The following PTK2B variants were observed in gnomAD, a reference collection of about 807,000 sequenced individuals.
PTK2B encodes protein tyrosine kinase 2 beta.
In PTK2B, 71 loss-of-function variants were observed where a neutral mutation model predicts 142.9. That is an observed-to-expected ratio of 0.50 (90% CI 0.41 to 0.61). The LOEUF is 0.61. Ranked by LOEUF, PTK2B falls within the 20% of genes least tolerant of loss-of-function variation. The pLI is 0.00. For synonymous variants in PTK2B, 519 were observed against 503.4 expected, an observed-to-expected ratio of 1.03 and a Z score of -0.42; for missense variants, 1,105 against 1,320.4, an observed-to-expected ratio of 0.84 and a Z score of 2.53.
At chr8:27,436,714 C>T (rs1039777339) in intron 15 of PTK2B, among the ~76,000 whole-genome samples, 7 of 151,820 alleles carry the variant, frequency 4.6e-5, no homozygotes, top group Non-Finnish European at 1.0e-4. Context: ...TAAGGCTGAC[C>T]GCTGTGGTAA....
At chr8:27,357,915 A>G (rs1260348346) in intron 1 of PTK2B, among the ~76,000 whole-genome samples, 8 of 152,182 alleles carry the variant, frequency 5.3e-5, no homozygotes, top group African/African-American at 1.2e-4. Flanking sequence ...TTTAGACTCT[A>G]TAGCTCCCCA....
intron 18 of PTK2B, 82 bp downstream of exon 18, chr8:27,437,962 G>C: frequency 1.2e-5 from 15 of 1,230,472 alleles, no homozygotes; most frequent in Non-Finnish European, 1.7e-5. Flanking sequence ...AGCAGGGCTT[G>C]TGGGTGACAC....
chr8:27,323,151 G>A (rs992453365), upstream of PTK2B: 2 of 152,260 alleles, frequency 1.3e-5, no homozygotes, highest in African/African-American at 4.8e-5. Flanking sequence ...AGAAAACGAG[G>A]AATAGGAAAA....
intron 1 of PTK2B, among the ~76,000 whole-genome samples, chr8:27,383,426 A>G (rs1807148904): frequency 6.6e-6 from 1 of 151,902 alleles, no homozygotes; most frequent in South Asian, 2.1e-4. Flanking sequence ...TTGTATTTTT[A>G]GTAGAGACGG....
At chr8:27,368,332 T>A (rs1464998518) in intron 1 of PTK2B, among the ~76,000 whole-genome samples, 2 of 152,272 alleles carry the variant, frequency 1.3e-5, no homozygotes, top group Admixed American at 1.3e-4. Context: ...CCCTGCTCCT[T>A]GGCCTGCTAA....
intron 4 of PTK2B, 114 bp from the exon 5 acceptor site, chr8:27,422,190 G>C (rs1267843599): frequency 6.2e-6 from 6 of 967,038 alleles, no homozygotes; most frequent in Non-Finnish European, 9.1e-6. Flanking sequence ...TTGTGGTGGG[G>C]TGGGTGGCTG....
Position 27,374,462 on chromosome 8 carries a change from G to A in PTK2B, c.-37-23086G>A, listed in dbSNP as rs560882835. Reference sequence around the variant, plus strand: ...ACAGGTGGGTCAGGAGGCAGAGAGAGTAAGAAAAAATGTAAGCAGGAGCAT... The same window carrying A: ...ACAGGTGGGTCAGGAGGCAGAGAGAATAAGAAAAAATGTAAGCAGGAGCAT... On this transcript the variant is annotated intron_variant, in intron 1 of 30. Coordinates refer to ENST00000346049, the MANE Select transcript of PTK2B (RefSeq NM_173176.3). 4.0e-3 allele frequency among the ~76,000 whole-genome samples: 614 copies of A among 152,360 alleles called. 4 individuals carry two copies. The highest frequency in any genetic ancestry group is 0.019 in the South Asian group (91 of 4,826).
chr8:27,346,347 C>A (rs1804709990), intron 1 of PTK2B, among the ~76,000 whole-genome samples: 2 of 152,074 alleles, frequency 1.3e-5, no homozygotes, highest in African/African-American at 4.8e-5. Flanking sequence ...CTAGCCTGGG[C>A]AACATGACGA....
intron 24 of PTK2B, 41 bp from the exon 25 acceptor site, chr8:27,450,708 G>A (rs1220608273): frequency 6.2e-7 from 1 of 1,611,920 alleles, no homozygotes; most frequent in Non-Finnish European, 8.5e-7. Context: ...CTGAGAGCAG[G>A]GCTCATTGCA....
chr8:27,407,764 A>G lies in PTK2B; in HGVS notation c.204+9976A>G, dbSNP rs982967652. Among the ~76,000 whole-genome samples, 33 of 151,436 alleles carry G rather than the reference A, an allele frequency of 2.2e-4. No homozygotes were observed. In the South Asian group the frequency reaches 2.7e-3, roughly 13 times the overall value. On this transcript the variant is annotated intron_variant, in intron 2 of 30. Transcript: ENST00000346049. ...AATTCTAGACTTCTTGGGTTAATCA[A>G]CTCCTCAGGTTGACTTGACCCTTGA...
chr8:27,451,364 C>G lies in PTK2B; in HGVS notation c.2524-121C>G, dbSNP rs76137318. 5.0e-3 allele frequency: 7,484 copies of G among 1,491,812 alleles called. 322 individuals are homozygous for G. The African/African-American group carries it at 0.09, about 18-fold the overall frequency. 92.4% of individuals were successfully genotyped at this position (1,491,812 alleles called of 1,614,324 possible). On this transcript the variant is annotated intron_variant, in intron 26 of 30. Coordinates refer to ENST00000346049, the MANE Select transcript of PTK2B (RefSeq NM_173176.3). Reference sequence around the variant, plus strand: ...CACGAGCTGCTCCCAGAAGCACCCCCGACCCCATGGCTGTAATCTCTAAAC... The same window carrying G: ...CACGAGCTGCTCCCAGAAGCACCCCGGACCCCATGGCTGTAATCTCTAAAC...
At chr8:27,357,328 A>G (rs1183058016) in intron 1 of PTK2B, among the ~76,000 whole-genome samples, 1 of 152,192 alleles carries the variant, frequency 6.6e-6, no homozygotes, top group Non-Finnish European at 1.5e-5. Flanking sequence ...TTTTCTCACC[A>G]CTTGTATGGT....
At chr8:27,316,911 A>G (rs565386240) in intron 3 of PTK2B, among the ~76,000 whole-genome samples, 1 of 152,342 alleles carries the variant, frequency 6.6e-6, no homozygotes, top group East Asian at 1.9e-4. Context: ...TAAGCTACAT[A>G]TAGATAAAAT....
At position 27,459,119 on chromosome 8, in the gene PTK2B, A is replaced by T. The variant is rs1433724998; in HGVS notation, c.*610A>T. ...AGCTAATTGGGAGTCCAGGCACAGGATGCTGTGTTGTCAACAAACCAAGCA... is the reference window on the plus strand; with the variant it reads ...AGCTAATTGGGAGTCCAGGCACAGGTTGCTGTGTTGTCAACAAACCAAGCA... On this transcript the variant is annotated 3_prime_UTR_variant, in exon 31 of 31. Transcript: ENST00000346049. 2.9e-5 allele frequency: 7 copies of T among 239,728 alleles called. No individual in the cohort carries two copies. Among genetic ancestry groups the T allele is most frequent in the Non-Finnish European group, 5.8e-5 (7 of 121,220 alleles). The allele number at this position is 239,728 out of a possible 1,614,324, so 14.9% of individuals were successfully genotyped here. A position where few individuals can be genotyped will look rare whatever the true frequency, so the allele number is the denominator to read the frequency against.
Position 27,436,343 on chromosome 8 carries a change from A to C in PTK2B, c.1336A>C (p.Asn446His), listed in dbSNP as rs764342481. Residue 446 changes from asparagine to histidine, a missense_variant, in exon 15 of 31, where the codon AAT becomes CAT. Coordinates refer to ENST00000346049, the MANE Select transcript of PTK2B (RefSeq NM_173176.3). ...FGEVYEGVYTNHKGEKINVAV... is the reference protein window; with the variant it reads ...FGEVYEGVYTHHKGEKINVAV... ...GGAGGTCTATGAAGGTGTCTACACAAATCACGTGAGTTCTAGGATCTTCCC... is the reference window on the plus strand; with the variant it reads ...GGAGGTCTATGAAGGTGTCTACACACATCACGTGAGTTCTAGGATCTTCCC... 3.7e-6 allele frequency: 6 copies of C among 1,610,934 alleles called. No homozygotes were observed. The highest frequency in any genetic ancestry group is 1.7e-4 in the Middle Eastern group (1 of 6,056).
intron 1 of PTK2B, among the ~76,000 whole-genome samples, chr8:27,362,348 G>A (rs1805762114): frequency 6.6e-6 from 1 of 152,152 alleles, no homozygotes; most frequent in Non-Finnish European, 1.5e-5. Context: ...ATTTCCTTAT[G>A]CTGGTGAGAC....
intron 1 of PTK2B, among the ~76,000 whole-genome samples, chr8:27,330,367 C>T (rs1340091516): frequency 6.6e-6 from 1 of 152,184 alleles, no homozygotes; most frequent in Non-Finnish European, 1.5e-5. Flanking sequence ...GCAGCTTCCC[C>T]TGAGCACTCT....
rs1457104287 is a variant in PTK2B, at chr8:27,420,105, G to A, written c.383+32G>A. 3.1e-6 allele frequency: 5 copies of A among 1,610,494 alleles called. No homozygotes were observed. The African/African-American group carries it at 6.7e-5, about 22-fold the overall frequency. ...GTGGATTCCTGGGCTCTGGAAGTGG[G>A]AAGGAGAGGAATTTAGGGTGGGGAG... On this transcript the variant is annotated intron_variant, in intron 3 of 30. Coordinates refer to ENST00000346049, the MANE Select transcript of PTK2B (RefSeq NM_173176.3).
At chr8:27,423,711 T>C (rs1275520997) in intron 5 of PTK2B, among the ~76,000 whole-genome samples, 6 of 152,114 alleles carry the variant, frequency 3.9e-5, no homozygotes, top group Admixed American at 3.9e-4. Context: ...TCTGGCCCCA[T>C]TGTGATTCTC....
Sources: gnomAD v4.1 joint callset for allele counts (sites outside exome capture counted in the v4.1 genomes callset) on GRCh38, gnomAD v4.1.1 for gene constraint, MANE v1.5 for transcripts, NCBI Gene and HGNC (gene_info 2026-07-23, HGNC 2026-07-21) for gene names.